Variants in PCSK5 observed in about 807,000 individuals in gnomAD.
The protein encoded by PCSK5 is proprotein convertase subtilisin/kexin type 5.
A neutral mutation model predicts 233.2 loss-of-function variants in PCSK5; 129 were observed. That is an observed-to-expected ratio of 0.55 (90% CI 0.48 to 0.64). The LOEUF is 0.64. Ranked by LOEUF, PCSK5 falls within the 30% of genes least tolerant of loss-of-function variation. The pLI is 0.00. For missense variants in PCSK5, 2,076 were observed against 2,430.1 expected, an observed-to-expected ratio of 0.85 and a Z score of 3.06; for synonymous variants, 825 against 879.2, an observed-to-expected ratio of 0.94 and a Z score of 1.09.
In PCSK5 at chr9:76,189,660, G is replaced by A. The variant is rs775813008; in HGVS notation, c.2540G>A (p.Gly847Asp). 6.2e-7 allele frequency: 1 copy of A among 1,612,500 alleles called. No individual in the cohort carries two copies. Among genetic ancestry groups the A allele is most frequent in the Non-Finnish European group, 8.5e-7 (1 of 1,178,640 alleles). Residue 847 changes from glycine (G) to aspartate (D), a missense_variant, in exon 20 of 38, where the codon GGC becomes GAC. By Grantham distance (94) the Gly-to-Asp change is moderately conservative. Transcript: ENST00000674117. ...KCDISCLTCN[G>D]PGFKNCTSCP... Reference sequence around the variant, plus strand: ...GATATCAGTTGTTTGACGTGCAATGGCCCAGGATTCAAGAACTGTACAAGC... The same window carrying A: ...GATATCAGTTGTTTGACGTGCAATGACCCAGGATTCAAGAACTGTACAAGC...
In PCSK5 at chr9:76,358,956, T is replaced by C. The variant is rs1224400421; in HGVS notation, c.*34T>C. 2 of 1,586,532 alleles carry C rather than the reference T, an allele frequency of 1.3e-6. No individual in the cohort carries two copies. Among genetic ancestry groups the C allele is most frequent in the African/African-American group, 1.3e-5 (1 of 74,500 alleles). On this transcript the variant is annotated 3_prime_UTR_variant, in exon 38 of 38. Coordinates refer to ENST00000674117, the MANE Select transcript of PCSK5 (RefSeq NM_001372043.1). ...TCCCCCACCAACACCACCATTCCAC[T>C]CTCAGGCATGCCTGTGAGCATCACT...
intron 1 of PCSK5, among the ~76,000 whole-genome samples, chr9:75,918,323 T>G (rs569899710): frequency 6.6e-6 from 1 of 152,340 alleles, no homozygotes; most frequent in Non-Finnish European, 1.5e-5. Flanking sequence ...GACCTCCTTC[T>G]CACCTCTTGG....
At chr9:76,032,164 G>A (rs74572875) in intron 5 of PCSK5, among the ~76,000 whole-genome samples, 23,485 of 152,118 alleles carry the variant, frequency 0.15, 2,276 homozygotes, top group Non-Finnish European at 0.21. Flanking sequence ...AGGAAGTTGA[G>A]GCATGTGCTA....
At chr9:76,308,827 A>C in intron 29 of PCSK5, 99 bp downstream of exon 29, 1 of 698,786 alleles carries the variant, frequency 1.4e-6, no homozygotes, top group Non-Finnish European at 2.5e-6. Context: ...TAAGGCCTTG[A>C]TCTATTCCCA....
chr9:76,350,529 A>C (rs933515054), intron 35 of PCSK5, among the ~76,000 whole-genome samples: 39 of 152,366 alleles, frequency 2.6e-4, no homozygotes, highest in Non-Finnish European at 2.5e-4. Flanking sequence ...CAGAATAGCG[A>C]ATAAAGGTTT....
At chr9:76,215,305 AG>A (rs562371083) in intron 20 of PCSK5, among the ~76,000 whole-genome samples, 47 of 152,292 alleles carry the variant, frequency 3.1e-4, no homozygotes, top group Non-Finnish European at 5.1e-4. Context: ...CAGCAGCCAG[AG>A]GGAGTTTGGG....
intron 12 of PCSK5, among the ~76,000 whole-genome samples, chr9:76,161,833 C>T (rs1046952053): frequency 9.9e-5 from 15 of 152,194 alleles, no homozygotes; most frequent in Non-Finnish European, 1.5e-4. Context: ...AAGAGTGCTG[C>T]GTGACTTGTG....
In PCSK5 at chr9:76,295,327, G is replaced by C. The variant is rs1450638123; in HGVS notation, c.3238G>C (p.Val1080Leu). Reference sequence around the variant, plus strand: ...TCCTGAGAAGACCTACAGTGAGGAAGTGGAATGCAAGGCGTGTGATAGTAA... The same window carrying C: ...TCCTGAGAAGACCTACAGTGAGGAACTGGAATGCAAGGCGTGTGATAGTAA... ...TCPEKTYSEE[V>L]ECKACDSNCG... Residue 1080 changes from valine (V) to leucine (L), a missense_variant, in exon 26 of 38, where the codon GTG becomes CTG. Transcript: ENST00000674117. The C allele has an allele frequency of 6.2e-7, 1 of 1,611,828 alleles. No individual in the cohort carries two copies. The highest frequency in any genetic ancestry group is 1.7e-5 in the Admixed American group (1 of 60,012).
intron 24 of PCSK5, among the ~76,000 whole-genome samples, chr9:76,273,284 A>G (rs1827581964): frequency 6.6e-6 from 1 of 152,040 alleles, no homozygotes; most frequent in Non-Finnish European, 1.5e-5. Context: ...TTCTTAGCAA[A>G]TTGTTCAGAA....
chr9:75,981,559 G>A (rs1311847098), intron 2 of PCSK5, among the ~76,000 whole-genome samples: 1 of 151,966 alleles, frequency 6.6e-6, no homozygotes, highest in East Asian at 1.9e-4. Flanking sequence ...TAGACTTGTA[G>A]TCTTTTTTTT....
chr9:76,332,269 T>C (rs1046396439), intron 33 of PCSK5, among the ~76,000 whole-genome samples, 164 bp from the exon 34 acceptor site: 6 of 152,222 alleles, frequency 3.9e-5, no homozygotes, highest in African/African-American at 1.4e-4. Context: ...ATTCTGTTTC[T>C]TGGACACTAA....
At chr9:76,222,243 C>A (rs1477292868) in intron 20 of PCSK5, among the ~76,000 whole-genome samples, 1 of 152,108 alleles carries the variant, frequency 6.6e-6, no homozygotes, top group Admixed American at 6.5e-5. Flanking sequence ...TGGACCCATC[C>A]CCAAAGACAG....
At chr9:76,180,671 T>G (rs2131215498) in intron 15 of PCSK5, among the ~76,000 whole-genome samples, 1 of 152,248 alleles carries the variant, frequency 6.6e-6, no homozygotes, top group South Asian at 2.1e-4. Context: ...GCCACACGGT[T>G]CCTCCATACT....
chr9:76,324,308 G>A (rs920786941), intron 32 of PCSK5, among the ~76,000 whole-genome samples: 3 of 151,644 alleles, frequency 2.0e-5, no homozygotes, highest in South Asian at 4.2e-4. Context: ...TCAGCTCATC[G>A]CAGCCTCCAC....
chr9:76,169,851 C>T lies in PCSK5; in HGVS notation c.1756+11C>T, dbSNP rs375705037. 8.1e-6 allele frequency: 13 copies of T among 1,610,114 alleles called. No homozygotes were observed. The highest frequency in any genetic ancestry group is 1.0e-5 in the Non-Finnish European group (12 of 1,176,566). On this transcript the variant is annotated intron_variant, in intron 13 of 37. Transcript: ENST00000674117. The stretch of plus-strand genomic sequence containing the variant: ...ACTTTAAGACTCCAGGTGAGAACTC[C>T]CTTTCTATACATTGTTCTACTGTGT...
At chr9:76,330,339 A>G (rs1829489906) in intron 33 of PCSK5, among the ~76,000 whole-genome samples, 2 of 152,196 alleles carry the variant, frequency 1.3e-5, no homozygotes, top group Non-Finnish European at 2.9e-5. Context: ...AAACTTAACT[A>G]AAAAAGAAGT....
chr9:76,288,858 T>C (rs1564158815), intron 24 of PCSK5, among the ~76,000 whole-genome samples: 2 of 152,198 alleles, frequency 1.3e-5, no homozygotes, highest in African/African-American at 2.4e-5. Flanking sequence ...TCCTTTCCAA[T>C]ACATCTTATA....
chr9:76,011,103 C>T (rs566640860), intron 3 of PCSK5, among the ~76,000 whole-genome samples: 2 of 152,244 alleles, frequency 1.3e-5, no homozygotes, highest in South Asian at 2.1e-4. Context: ...TGAAAGGATT[C>T]GACATTTTTT....
chr9:76,100,587 G>A (rs1317003593), intron 8 of PCSK5, among the ~76,000 whole-genome samples: 1 of 152,230 alleles, frequency 6.6e-6, no homozygotes, highest in East Asian at 1.9e-4. Flanking sequence ...AACTCATCTT[G>A]TAGCCAGTGT....
Sources: gnomAD v4.1 joint callset for allele counts (sites outside exome capture counted in the v4.1 genomes callset) on GRCh38, gnomAD v4.1.1 for gene constraint, MANE v1.5 for transcripts, NCBI Gene and HGNC (gene_info 2026-07-23, HGNC 2026-07-21) for gene names.